The following H1-6 variants were observed in gnomAD, a reference collection of about 807,000 sequenced individuals.
The protein encoded by H1-6 is histone H1t.
For synonymous variants in H1-6, 225 were observed against 100.1 expected (o/e 2.25, Z -7.45); for missense variants, 538 against 246.5 (o/e 2.18, Z -7.92).
Position 26,107,515 on chromosome 6 carries a change from G to C in H1-6, c.579C>G (p.Thr193=). ...TTCTAACATTAACTTCATGATGTTGGGTCAATTTTGACTTCGAAGCCCTTG... is the reference window on the plus strand; with the variant it reads ...TTCTAACATTAACTTCATGATGTTGCGTCAATTTTGACTTCGAAGCCCTTG... ...VKARASKSKL[T]QHHEVNVRKA... The change falls in exon 1 of 1, where the codon ACC becomes ACG. Residue 193 remains threonine (T), a synonymous_variant. Transcript: ENST00000338379. The C allele has an allele frequency of 6.2e-7, 1 of 1,610,520 alleles. No homozygotes were observed. The highest frequency in any genetic ancestry group is 1.3e-5 in the African/African-American group (1 of 74,640).
Position 26,107,560 on chromosome 6 carries a change from C to CTTT in H1-6, c.533_534insAAA (p.Gln178_Gln179insLys), listed in dbSNP as rs1561950693. The CTTT allele has an allele frequency of 5.0e-6, 8 of 1,614,012 alleles. No homozygotes were observed. The Admixed American group carries it at 6.7e-5, about 13-fold the overall frequency. ...CCCTTGCCTTCACTGGGCTCTTCTGCTGTTGCTTACCCTTGGCTCCTTTAG... is the reference window on the plus strand; with the variant it reads ...CCCTTGCCTTCACTGGGCTCTTCTGCTTTTGTTGCTTACCCTTGGCTCCTTTAG... On this transcript the variant is annotated inframe_insertion, in exon 1 of 1. Coordinates refer to ENST00000338379, the MANE Select transcript of H1-6 (RefSeq NM_005323.4).
rs1763297629 is a variant in H1-6, at chr6:26,107,857, C to CT, written c.236dup (p.Asn80GlufsTer2). The stretch of plus-strand genomic sequence containing the variant: ...GGGACAGTTTGATGCGGCTGTTATT[C>CT]TTCTCTACGTCGTAGCCAGCAGCGG... On this transcript the variant is annotated frameshift_variant, in exon 1 of 1. Transcript: ENST00000338379. LOFTEE classifies it low-confidence loss of function (END_TRUNC). 1 of 1,614,230 alleles carries CT rather than the reference C, an allele frequency of 6.2e-7. No homozygotes were observed. Among genetic ancestry groups the CT allele is most frequent in the Non-Finnish European group, 8.5e-7 (1 of 1,180,056 alleles).
In H1-6 at chr6:26,108,124, A is replaced by C. The variant is rs747223544; in HGVS notation, c.-31T>G. 1 of 1,604,072 alleles carries C rather than the reference A, an allele frequency of 6.2e-7. No homozygotes were observed. Among genetic ancestry groups the C allele is most frequent in the South Asian group, 1.1e-5 (1 of 89,912 alleles). On this transcript the variant is annotated 5_prime_UTR_variant, in exon 1 of 1. Transcript: ENST00000338379. The stretch of plus-strand genomic sequence containing the variant: ...CAGAGAAACGCAAGATGTAATAACC[A>C]GCGAAAAGCATGAAACACCCGGGCG...
rs377660418 is a variant in H1-6 at position 26,107,663 on chromosome 6, G to A, written c.431C>T (p.Pro144Leu). The stretch of plus-strand genomic sequence containing the variant: ...TCTCTTATTGGTTTTAGCAGTCTTT[G>A]GTGACTTGGAGTCCCTGGATAAAAC... ...KLVLSRDSKS[P>L]KTAKTNKRAK... The change falls in exon 1 of 1, where the codon CCA becomes CTA. Residue 144 changes from proline to leucine, a missense_variant. Coordinates refer to ENST00000338379, the MANE Select transcript of H1-6 (RefSeq NM_005323.4). The A allele has an allele frequency of 1.9e-6, 3 of 1,613,936 alleles. No individual in the cohort carries two copies. The African/African-American group carries it at 4.0e-5, about 22-fold the overall frequency.
rs1165007197 is a variant in H1-6 at position 26,108,123 on chromosome 6, C to T, written c.-30G>A. 2.5e-6 allele frequency: 4 copies of T among 1,603,824 alleles called. No individual in the cohort carries two copies. The highest frequency in any genetic ancestry group is 3.4e-6 in the Non-Finnish European group (4 of 1,174,904). ...ACAGAGAAACGCAAGATGTAATAAC[C>T]AGCGAAAAGCATGAAACACCCGGGC... is the stretch of plus-strand genomic sequence containing the variant. On this transcript the variant is annotated 5_prime_UTR_variant, in exon 1 of 1. Coordinates refer to ENST00000338379, the MANE Select transcript of H1-6 (RefSeq NM_005323.4).
chr6:26,107,470 T>C lies in H1-6; in HGVS notation c.624A>G (p.Ter208=), dbSNP rs1249356692. 6.3e-7 allele frequency: 1 copy of C among 1,585,456 alleles called. No individual in the cohort carries two copies. Among genetic ancestry groups the C allele is most frequent in the Non-Finnish European group, 8.5e-7 (1 of 1,171,698 alleles). Residue 208 remains the stop codon, a stop_retained_variant, in exon 1 of 1, where the codon TAA becomes TAG. Transcript: ENST00000338379. The stretch of plus-strand genomic sequence containing the variant: ...CCAAATTGGCCTCCCGGAAAGCTCT[T>C]TACTTCTTAGATGTGGCCTTTCTAA... ...VNVRKATSKK[*]
Position 26,108,025 on chromosome 6 carries a change from C to A in H1-6, c.69G>T (p.Lys23Asn). ...GVAAMEKLPT[K>N]KRGRKPAGLI... ...AGCCAGCCGGCTTCCTCCCTCGCTT[C>A]TTGGTTGGAAGTTTCTCCATAGCGG... The change falls in exon 1 of 1, where the codon AAG (lysine) becomes AAT (asparagine). Residue 23 changes from lysine to asparagine, a missense_variant. Coordinates refer to ENST00000338379, the MANE Select transcript of H1-6 (RefSeq NM_005323.4). 2.5e-6 allele frequency: 4 copies of A among 1,614,228 alleles called. No individual in the cohort carries two copies. The highest frequency in any genetic ancestry group is 3.4e-6 in the Non-Finnish European group (4 of 1,180,040).
At position 26,107,505 on chromosome 6, in the gene H1-6, C is replaced by T. The variant is rs1763270960; in HGVS notation, c.589G>A (p.Glu197Lys). Residue 197 changes from glutamate (E) to lysine (K), a missense_variant, in exon 1 of 1, where the codon GAA (glutamate) becomes AAA (lysine). Coordinates refer to ENST00000338379, the MANE Select transcript of H1-6 (RefSeq NM_005323.4). ...GATGTGGCCTTTCTAACATTAACTT[C>T]ATGATGTTGGGTCAATTTTGACTTC... ...ASKSKLTQHH[E>K]VNVRKATSKK The T allele has an allele frequency of 2.5e-6, 4 of 1,608,206 alleles. No individual in the cohort carries two copies. The highest frequency in any genetic ancestry group is 1.7e-5 in the Admixed American group (1 of 58,466).
Position 26,107,684 on chromosome 6 carries a change from A to G in H1-6, c.410T>C (p.Leu137Ser). Residue 137 changes from leucine to serine, a missense_variant, in exon 1 of 1, where the codon TTA becomes TCA. By Grantham distance (145) the Leu-to-Ser change is moderately radical (BLOSUM62 -2). Transcript: ENST00000338379. ...SVSAKTKKLVLSRDSKSPKTA... is the reference protein window; with the variant it reads ...SVSAKTKKLVSSRDSKSPKTA... ...CTTTGGTGACTTGGAGTCCCTGGATAAAACCAGCTTCTTGGTCTTGGCAGA... is the reference window on the plus strand; with the variant it reads ...CTTTGGTGACTTGGAGTCCCTGGATGAAACCAGCTTCTTGGTCTTGGCAGA... 1 of 1,614,140 alleles carries G rather than the reference A, an allele frequency of 6.2e-7. No homozygotes were observed. Among genetic ancestry groups the G allele is most frequent in the Non-Finnish European group, 8.5e-7 (1 of 1,180,028 alleles).
Position 26,107,725 on chromosome 6 carries a change from C to A in H1-6, c.369G>T (p.Lys123Asn). ...TCTTGGCAGAAACTGACTTTTTAGC[C>A]TTGCTTCTGGTAGATTTAGGAATCA... ...KKVIPKSTRS[K>N]AKKSVSAKTK... The change falls in exon 1 of 1, where the codon AAG becomes AAT. Residue 123 changes from lysine (K) to asparagine (N), a missense_variant. Lys to Asn is a moderately conservative substitution (Grantham distance 94, BLOSUM62 0). Transcript: ENST00000338379. 6.2e-7 allele frequency: 1 copy of A among 1,614,174 alleles called. No homozygotes were observed. The highest frequency in any genetic ancestry group is 8.5e-7 in the Non-Finnish European group (1 of 1,180,026).
In H1-6 at chr6:26,108,062, C is replaced by T. The variant is rs1035832567; in HGVS notation, c.32G>A (p.Ser11Asn). 8.1e-6 allele frequency: 13 copies of T among 1,614,166 alleles called. No individual in the cohort carries two copies. Among genetic ancestry groups the T allele is most frequent in the African/African-American group, 1.3e-5 (1 of 75,052 alleles). Residue 11 changes from serine (S) to asparagine (N), a missense_variant, in exon 1 of 1, where the codon AGT (serine) becomes AAT (asparagine). Transcript: ENST00000338379. MSETVPAASA[S>N]AGVAAMEKLP... The stretch of plus-strand genomic sequence containing the variant: ...TTTCTCCATAGCGGCTACACCAGCA[C>T]TGGCAGAAGCTGCAGGCACGGTTTC...
rs140813704 is a variant in H1-6, at chr6:26,107,770, G to T, written c.324C>A (p.Ser108=). The T allele has an allele frequency of 6.2e-7, 1 of 1,614,204 alleles. No homozygotes were observed. The highest frequency in any genetic ancestry group is 8.5e-7 in the Non-Finnish European group (1 of 1,180,030). ...GAATCACCTTCTTACTAAGCTTAAA[G>T]GAACCGGAAGCACCAGTACCCCTGG... ...VQTRGTGASG[S]FKLSKKVIPK... is the part of the protein sequence containing the mutation. The change falls in exon 1 of 1, where the codon TCC becomes TCA. Residue 108 remains serine (S), a synonymous_variant. Coordinates refer to ENST00000338379, the MANE Select transcript of H1-6 (RefSeq NM_005323.4).
In H1-6 at chr6:26,107,432, C is replaced by T. The variant is rs1457340698; in HGVS notation, c.*38G>A. The T allele has an allele frequency of 8.4e-6, 13 of 1,543,064 alleles. No homozygotes were observed. Among genetic ancestry groups the T allele is most frequent in the South Asian group, 3.8e-5 (3 of 78,186 alleles). ...TAATGTGGGTGGCTCTTAAAAGAGC[C>T]TTTGGGTTCTTTCCAAATTGGCCTC... is the stretch of plus-strand genomic sequence containing the variant. On this transcript the variant is annotated 3_prime_UTR_variant, in exon 1 of 1. Transcript: ENST00000338379.
At position 26,107,449 on chromosome 6, in the gene H1-6, A is replaced by G. The variant is rs200812561; in HGVS notation, c.*21T>C. ...AAAAGAGCCTTTGGGTTCTTTCCAA[A>G]TTGGCCTCCCGGAAAGCTCTTTACT... On this transcript the variant is annotated 3_prime_UTR_variant, in exon 1 of 1. Coordinates refer to ENST00000338379, the MANE Select transcript of H1-6 (RefSeq NM_005323.4). 194 of 1,562,430 alleles carry G rather than the reference A, an allele frequency of 1.2e-4. 1 individual carries two copies. The African/African-American group carries it at 2.5e-3, about 20-fold the overall frequency.
Position 26,107,446 on chromosome 6 carries a change from C to A in H1-6, c.*24G>T, listed in dbSNP as rs777333384. 4 of 1,559,018 alleles carry A rather than the reference C, an allele frequency of 2.6e-6. No homozygotes were observed. The highest frequency in any genetic ancestry group is 2.6e-6 in the Non-Finnish European group (3 of 1,160,108). ...CTTAAAAGAGCCTTTGGGTTCTTTCCAAATTGGCCTCCCGGAAAGCTCTTT... is the reference window on the plus strand; with the variant it reads ...CTTAAAAGAGCCTTTGGGTTCTTTCAAAATTGGCCTCCCGGAAAGCTCTTT... On this transcript the variant is annotated 3_prime_UTR_variant, in exon 1 of 1. Transcript: ENST00000338379.
At position 26,107,488 on chromosome 6, in the gene H1-6, CTT is replaced by C. The variant is rs1763270323; in HGVS notation, c.604_605del (p.Lys202GlyfsTer4). The C allele has an allele frequency of 6.2e-7, 1 of 1,602,586 alleles. No individual in the cohort carries two copies. The highest frequency in any genetic ancestry group is 1.4e-5 in the African/African-American group (1 of 73,958). On this transcript the variant is annotated frameshift_variant, in exon 1 of 1. Transcript: ENST00000338379. LOFTEE classifies it high-confidence loss of function. ...AAGCTCTTTACTTCTTAGATGTGGC[CTT>C]TCTAACATTAACTTCATGATGTTGG... is the stretch of plus-strand genomic sequence containing the variant. ...LTQHHEVNVR[K>X]ATSKK
Position 26,107,676 on chromosome 6 carries a change from C to A in H1-6, c.418G>T (p.Asp140Tyr), listed in dbSNP as rs775518111. Residue 140 changes from aspartate (D) to tyrosine (Y), a missense_variant, in exon 1 of 1, where the codon GAC becomes TAC. Asp to Tyr is a radical substitution (Grantham distance 160). Transcript: ENST00000338379. ...AKTKKLVLSR[D>Y]SKSPKTAKTN... ...TTAGCAGTCTTTGGTGACTTGGAGT[C>A]CCTGGATAAAACCAGCTTCTTGGTC... The A allele has an allele frequency of 1.1e-5, 18 of 1,613,984 alleles. No individual in the cohort carries two copies. The East Asian group carries it at 3.6e-4, about 32-fold the overall frequency.
rs1763281061 is a variant in H1-6, at chr6:26,107,682, A to G, written c.412T>C (p.Ser138Pro). ...VSAKTKKLVLSRDSKSPKTAK... is the reference protein window; with the variant it reads ...VSAKTKKLVLPRDSKSPKTAK... ...GTCTTTGGTGACTTGGAGTCCCTGG[A>G]TAAAACCAGCTTCTTGGTCTTGGCA... The change falls in exon 1 of 1, where the codon TCC becomes CCC. Residue 138 changes from serine to proline, a missense_variant. Physicochemically the swap from Ser to Pro is moderately conservative, Grantham distance 74. Coordinates refer to ENST00000338379, the MANE Select transcript of H1-6 (RefSeq NM_005323.4). 1 of 1,614,012 alleles carries G rather than the reference A, an allele frequency of 6.2e-7. No homozygotes were observed. Among genetic ancestry groups the G allele is most frequent in the Admixed American group, 1.7e-5 (1 of 60,000 alleles).
In H1-6 at chr6:26,107,499, T is replaced by G. The variant is rs1763270736; in HGVS notation, c.595A>C (p.Asn199His). 8 of 1,605,904 alleles carry G rather than the reference T, an allele frequency of 5.0e-6. No individual in the cohort carries two copies. Among genetic ancestry groups the G allele is most frequent in the East Asian group, 4.5e-5 (2 of 44,864 alleles). The change falls in exon 1 of 1, where the codon AAT becomes CAT. Residue 199 changes from asparagine (N) to histidine (H), a missense_variant. Transcript: ENST00000338379. ...KSKLTQHHEVNVRKATSKK is the reference protein window; with the variant it reads ...KSKLTQHHEVHVRKATSKK ...TTCTTAGATGTGGCCTTTCTAACATTAACTTCATGATGTTGGGTCAATTTT... is the reference window on the plus strand; with the variant it reads ...TTCTTAGATGTGGCCTTTCTAACATGAACTTCATGATGTTGGGTCAATTTT...
Sources: allele counts gnomAD v4.1 joint callset, GRCh38; gene constraint gnomAD v4.1.1; transcripts MANE v1.5; gene names NCBI Gene and HGNC (gene_info 2026-07-23, HGNC 2026-07-21).